Variants in TECRL observed in about 807,000 individuals in gnomAD.
The protein encoded by TECRL is trans-2,3-enoyl-CoA reductase-like.
A neutral mutation model predicts 52.8 loss-of-function variants in TECRL; 63 were observed. The ratio of observed to expected loss-of-function variants is 1.19; its 90% confidence interval spans 0.97 to 1.47. The LOEUF is 1.47. Among genes scored for constraint, TECRL ranks in the 40% most tolerant of loss-of-function variants. The pLI is 0.00. For missense variants in TECRL, 482 were observed against 429.6 expected, an observed-to-expected ratio of 1.12 and a Z score of -1.08; for synonymous variants, 164 against 141.9, an observed-to-expected ratio of 1.16 and a Z score of -1.10.
At chr4:64,324,511 C>A (rs116256634) in intron 3 of TECRL, among the ~76,000 whole-genome samples, 1 of 151,808 alleles carries the variant, frequency 6.6e-6, no homozygotes, top group African/African-American at 2.4e-5. Flanking sequence ...AGTTAATTTG[C>A]ATCTACCATT....
chr4:64,299,165 T>C (rs1403616079), intron 8 of TECRL: 2 of 151,240 alleles, frequency 1.3e-5, no homozygotes, highest in African/African-American at 2.4e-5. Context: ...TTACCTAAAC[T>C]CTTAACTAAA....
In TECRL at chr4:64,299,962, T is replaced by C. The variant is rs780329093; in HGVS notation, c.774+12A>G. 1.9e-6 allele frequency: 3 copies of C among 1,551,364 alleles called. No homozygotes were observed. The Admixed American group carries it at 5.5e-5, about 28-fold the overall frequency. On this transcript the variant is annotated intron_variant, in intron 8 of 11. Coordinates refer to ENST00000381210, the MANE Select transcript of TECRL (RefSeq NM_001010874.5). ...TAGAGCGTGAATAGCAAAATATATA[T>C]ATGATACATACCAGAAAATTGATAG...
At chr4:64,374,196 G>C (rs1335381019) in intron 2 of TECRL, among the ~76,000 whole-genome samples, 1 of 149,564 alleles carries the variant, frequency 6.7e-6, no homozygotes, top group East Asian at 2.0e-4. Context: ...CCTTCCTCAA[G>C]AATTTTAAAC....
intron 9 of TECRL, among the ~76,000 whole-genome samples, chr4:64,289,044 A>G (rs1480955639): frequency 2.6e-5 from 4 of 152,210 alleles, no homozygotes; most frequent in African/African-American, 9.6e-5. Flanking sequence ...ATGCTTTTCA[A>G]GAGTTTGTTG....
At chr4:64,381,002 T>G (rs189084138) in intron 1 of TECRL, among the ~76,000 whole-genome samples, 1 of 152,202 alleles carries the variant, frequency 6.6e-6, no homozygotes, top group African/African-American at 2.4e-5. Context: ...GTGGATATTT[T>G]AACAATATTA....
At chr4:64,319,200 T>A (rs1717718395) in intron 4 of TECRL, among the ~76,000 whole-genome samples, 2 of 151,682 alleles carry the variant, frequency 1.3e-5, no homozygotes, top group Admixed American at 1.3e-4. Flanking sequence ...AGCATGACAA[T>A]TAATTCAAAA....
Position 64,322,743 on chromosome 4 carries a change from G to A in TECRL, c.381C>T (p.Ser127=). 3.7e-6 allele frequency: 6 copies of A among 1,612,362 alleles called. No individual in the cohort carries two copies. The highest frequency in any genetic ancestry group is 5.1e-6 in the Non-Finnish European group (6 of 1,179,146). The part of the protein sequence containing the change: ...DYITIQSIAA[S]SIVTLYATDL... ...CTGTAGCATACAGTGTGACAATGGA[G>A]GAAGCTGCAATACTTTGAATGGTAA... Residue 127 remains serine (S), a synonymous_variant, in exon 4 of 12, where the codon TCC becomes TCT. Transcript: ENST00000381210.
chr4:64,347,899 C>A (rs1720101636), intron 2 of TECRL, among the ~76,000 whole-genome samples: 1 of 152,172 alleles, frequency 6.6e-6, no homozygotes, highest in African/African-American at 2.4e-5. Flanking sequence ...GACTTTCCAA[C>A]AGTCCTCTGG....
intron 2 of TECRL, among the ~76,000 whole-genome samples, chr4:64,365,896 T>C (rs879881553): frequency 1.3e-5 from 2 of 152,102 alleles, no homozygotes; most frequent in African/African-American, 4.8e-5. Context: ...CTAAAATTTA[T>C]GTAAAACCAA....
intron 1 of TECRL, among the ~76,000 whole-genome samples, chr4:64,407,735 A>C (rs1264346189): frequency 1.3e-5 from 2 of 151,556 alleles, no homozygotes; most frequent in Admixed American, 6.6e-5. Flanking sequence ...TCATAGTGGA[A>C]TATTATAAAC....
chr4:64,292,486 A>G (rs1456544159), intron 8 of TECRL, among the ~76,000 whole-genome samples: 1 of 152,028 alleles, frequency 6.6e-6, no homozygotes, highest in Non-Finnish European at 1.5e-5. Context: ...CATTGCCCAG[A>G]TAAATTTAGA....
chr4:64,402,297 T>G (rs1724407677), intron 1 of TECRL, among the ~76,000 whole-genome samples: 1 of 152,076 alleles, frequency 6.6e-6, no homozygotes. Flanking sequence ...TGTCATGGAC[T>G]GATACATTTG....
chr4:64,292,387 A>G (rs1723440936), intron 8 of TECRL, among the ~76,000 whole-genome samples: 1 of 151,998 alleles, frequency 6.6e-6, no homozygotes. Context: ...GATGCTACGT[A>G]TTACCTATGT....
intron 1 of TECRL, among the ~76,000 whole-genome samples, chr4:64,402,283 A>G (rs954065987): frequency 8.6e-5 from 13 of 152,042 alleles, no homozygotes; most frequent in Non-Finnish European, 1.9e-4. Context: ...TTAAACTTCT[A>G]TTTTGTCATG....
chr4:64,298,571 T>C (rs1560479473), intron 8 of TECRL, among the ~76,000 whole-genome samples: 1 of 151,094 alleles, frequency 6.6e-6, no homozygotes, highest in African/African-American at 2.4e-5. Flanking sequence ...TTTATAGTAT[T>C]ATCATACACA....
chr4:64,316,025 CT>C (rs1357350027), intron 4 of TECRL, among the ~76,000 whole-genome samples: 1 of 151,428 alleles, frequency 6.6e-6, no homozygotes. Flanking sequence ...ATGTTTGCCA[CT>C]TGTGAATGTG....
At chr4:64,303,333 C>T (rs1724129917) in intron 7 of TECRL, among the ~76,000 whole-genome samples, 2 of 151,388 alleles carry the variant, frequency 1.3e-5, no homozygotes. Flanking sequence ...GTATCCTAAG[C>T]CCATATAACT....
chr4:64,321,605 C>T (rs940061135), intron 4 of TECRL, among the ~76,000 whole-genome samples: 2 of 152,070 alleles, frequency 1.3e-5, no homozygotes, highest in African/African-American at 2.4e-5. Context: ...ATCATATTAA[C>T]ATTTCCTCTT....
chr4:64,303,930 T>TA (rs1724166660), intron 7 of TECRL, among the ~76,000 whole-genome samples: 1 of 151,874 alleles, frequency 6.6e-6, no homozygotes, highest in Non-Finnish European at 1.5e-5. Context: ...CTTATGCATT[T>TA]AAAGATCTTG....
Sources: gnomAD v4.1 joint callset for allele counts (sites outside exome capture counted in the v4.1 genomes callset) on GRCh38, gnomAD v4.1.1 for gene constraint, MANE v1.5 for transcripts, NCBI Gene and HGNC (gene_info 2026-07-23, HGNC 2026-07-21) for gene names.